SAMD8: variants seen among roughly 807,000 people sequenced by gnomAD.
SAMD8 encodes the protein sphingomyelin synthase-related protein 1.
A neutral mutation model predicts 42.0 loss-of-function variants in SAMD8; 20 were observed. The observed-to-expected ratio is 0.48, with a 90% CI of 0.34 to 0.69. SAMD8 has a LOEUF of 0.69. Ranked by LOEUF, SAMD8 falls within the 30% of genes least tolerant of loss-of-function variation. The pLI is 0.01. For missense variants in SAMD8, 328 were observed against 511.6 expected (o/e 0.64, Z 3.46); for synonymous variants, 162 against 173.0 (o/e 0.94, Z 0.50).
rs933281166 is a variant in SAMD8 at position 75,181,327 on chromosome 10, A to G, written c.*4635A>G. On this transcript the variant is annotated 3_prime_UTR_variant, in exon 6 of 6. Transcript: ENST00000542569. Reference sequence around the variant, plus strand: ...AGAATGCTTCAGGTGACTAATAAGAATGGAAAGAGACTGAGTAGGTTTTTT... The same window carrying G: ...AGAATGCTTCAGGTGACTAATAAGAGTGGAAAGAGACTGAGTAGGTTTTTT... 1.3e-5 allele frequency: 2 copies of G among 152,256 alleles called. No individual in the cohort carries two copies. The highest frequency in any genetic ancestry group is 2.9e-5 in the Non-Finnish European group (2 of 68,046). The allele number at this position is 152,256 out of a possible 1,614,324, so 9.4% of individuals were successfully genotyped here.
At chr10:75,114,670 A>G (rs537263465) in intron 1 of SAMD8, among the ~76,000 whole-genome samples, 1 of 152,318 alleles carries the variant, frequency 6.6e-6, no homozygotes, top group African/African-American at 2.4e-5. Context: ...CATGTTAACA[A>G]GCTATTCTTT....
intron 1 of SAMD8, chr10:75,103,759 G>T: frequency 1.5e-6 from 1 of 665,002 alleles, no homozygotes; most frequent in Non-Finnish European, 2.2e-6. Flanking sequence ...AGCTGCTGGA[G>T]ACAGCTGTGG....
rs917522650 is a variant in SAMD8, at chr10:75,177,181, T to A, written c.*489T>A. The A allele has an allele frequency of 2.6e-5, 4 of 154,226 alleles. No homozygotes were observed. The highest frequency in any genetic ancestry group is 9.6e-5 in the African/African-American group (4 of 41,482). The allele number at this position is 154,226 out of a possible 1,614,324, so 9.6% of individuals were successfully genotyped here. On this transcript the variant is annotated 3_prime_UTR_variant, in exon 6 of 6. Transcript: ENST00000542569. Reference sequence around the variant, plus strand: ...TAAAAAATGCAACCCTGGGACATGATCTGTTTTACTGACAAAGAGTTTTTG... The same window carrying A: ...TAAAAAATGCAACCCTGGGACATGAACTGTTTTACTGACAAAGAGTTTTTG...
intron 1 of SAMD8, among the ~76,000 whole-genome samples, chr10:75,100,522 G>C (rs1001259827): frequency 6.6e-6 from 1 of 152,118 alleles, no homozygotes; most frequent in African/African-American, 2.4e-5. Context: ...CTTGGTCTTC[G>C]GAGGGCCCTG....
upstream of SAMD8, among the ~76,000 whole-genome samples, chr10:75,110,877 G>A (rs1485392849): frequency 6.6e-6 from 1 of 152,078 alleles, no homozygotes; most frequent in Non-Finnish European, 1.5e-5. Context: ...GTGCCATGGC[G>A]TGATCTCGGC....
At chr10:75,143,351 A>G (rs1840065149) in intron 1 of SAMD8, among the ~76,000 whole-genome samples, 1 of 152,172 alleles carries the variant, frequency 6.6e-6, no homozygotes, top group South Asian at 2.1e-4. Flanking sequence ...AAAAATGTAT[A>G]TATTTATGCA....
intron 2 of SAMD8, among the ~76,000 whole-genome samples, chr10:75,154,129 A>G (rs909813083): frequency 1.3e-5 from 2 of 152,206 alleles, no homozygotes; most frequent in African/African-American, 4.8e-5. Context: ...AGTGGATAAA[A>G]TAGGAGAAAA....
At chr10:75,116,750 G>A (rs1848889950) in intron 1 of SAMD8, among the ~76,000 whole-genome samples, 1 of 152,150 alleles carries the variant, frequency 6.6e-6, no homozygotes, top group African/African-American at 2.4e-5. Context: ...ATTTAATGGA[G>A]TTTGAAGTCT....
intron 1 of SAMD8, chr10:75,104,047 T>C (rs1163316541): frequency 7.3e-7 from 1 of 1,363,034 alleles, no homozygotes; most frequent in Non-Finnish European, 9.8e-7. Flanking sequence ...GCAGGATCAG[T>C]GCCAGGGTGG....
rs60024591 is a variant in SAMD8 at position 75,148,346 on chromosome 10, C to CTTTTTTTTT, written c.-15-2151_-15-2143dup. Among the ~76,000 whole-genome samples the CTTTTTTTTT allele has an allele frequency of 7.3e-4, 60 of 82,558 alleles. 9 individuals carry two copies. The East Asian group carries it at 0.015, about 20-fold the overall frequency. The allele number at this position is 82,558 out of a possible 152,430, so 54.2% of individuals were successfully genotyped here. On this transcript the variant is annotated intron_variant, in intron 1 of 5. Transcript: ENST00000542569. The stretch of plus-strand genomic sequence containing the variant: ...GGGAAAGAATGCAGAGCAATACCAG[C>CTTTTTTTTT]TTTTTTTTTTTTTTTTTTTTTTTTT...
intron 1 of SAMD8, among the ~76,000 whole-genome samples, chr10:75,135,804 C>T (rs1470958706): frequency 2.7e-5 from 4 of 149,896 alleles, no homozygotes; most frequent in Non-Finnish European, 3.0e-5. Context: ...TCAGCCTGGG[C>T]GACAGGACAA....
chr10:75,123,509 T>G (rs925886551), intron 1 of SAMD8, among the ~76,000 whole-genome samples: 2 of 152,100 alleles, frequency 1.3e-5, no homozygotes, highest in Non-Finnish European at 2.9e-5. Context: ...TGGAGAGAGA[T>G]ATGGCCGGAT....
chr10:75,164,815 C>T, intron 3 of SAMD8, 75 bp downstream of exon 3: 1 of 1,080,320 alleles, frequency 9.3e-7, no homozygotes, highest in Non-Finnish European at 1.4e-6. Context: ...TAACCTTTCT[C>T]TTTGCAGTTT....
intron 1 of SAMD8, among the ~76,000 whole-genome samples, chr10:75,115,769 T>G (rs924357100): frequency 3.6e-4 from 54 of 151,568 alleles, no homozygotes; most frequent in Non-Finnish European, 7.4e-5. Flanking sequence ...TGAAACCCCG[T>G]CTCTACTAAA....
In SAMD8 at chr10:75,176,264, G is replaced by A; in HGVS notation, c.943+48G>A. 6.2e-7 allele frequency: 1 copy of A among 1,613,852 alleles called. No homozygotes were observed. Among genetic ancestry groups the A allele is most frequent in the South Asian group, 1.1e-5 (1 of 91,032 alleles). On this transcript the variant is annotated intron_variant, in intron 5 of 5. Transcript: ENST00000542569. This position sits in a 1 kb window ranked among gnomAD's most constrained non-coding sequence, Gnocchi z 4.3. Reference sequence around the variant, plus strand: ...TATGCGTATTAGGTAACTAGCTGCAGTGAAGGCTGTGGGAAGGGTGTCAGA... The same window carrying A: ...TATGCGTATTAGGTAACTAGCTGCAATGAAGGCTGTGGGAAGGGTGTCAGA...
upstream of SAMD8, among the ~76,000 whole-genome samples, chr10:75,109,583 A>C (rs566794518): frequency 6.6e-5 from 10 of 152,274 alleles, no homozygotes; most frequent in African/African-American, 2.4e-4. Context: ...CAGGGTGCAG[A>C]GGAGGTGGCT....
chr10:75,120,746 CGTT>C (rs991997415), intron 1 of SAMD8, among the ~76,000 whole-genome samples: 1 of 144,022 alleles, frequency 6.9e-6, no homozygotes, highest in Non-Finnish European at 1.5e-5. Flanking sequence ...AGCTTAATTA[CGTT>C]GTTATGTTGA....
upstream of SAMD8, chr10:75,111,525 G>A: frequency 1.6e-6 from 2 of 1,231,270 alleles, no homozygotes; most frequent in African/African-American, 1.6e-5. Context: ...AGCTGCCGGC[G>A]CGGCGGTGAC....
At chr10:75,147,930 G>C (rs1840181664) in intron 1 of SAMD8, among the ~76,000 whole-genome samples, 1 of 152,134 alleles carries the variant, frequency 6.6e-6, no homozygotes, top group Non-Finnish European at 1.5e-5. Flanking sequence ...ATTTGAGGTG[G>C]TGATGATATG....
Sources: gnomAD v4.1 joint callset for allele counts (sites outside exome capture counted in the v4.1 genomes callset) on GRCh38, gnomAD v4.1.1 for gene constraint, Gnocchi (gnomAD v3.1) non-coding constraint, MANE v1.5 for transcripts, NCBI Gene and HGNC (gene_info 2026-07-23, HGNC 2026-07-21) for gene names.